The following CAMK1D variants were observed in gnomAD, a reference collection of about 807,000 sequenced individuals.
CAMK1D encodes calcium/calmodulin-dependent protein kinase type 1D.
In CAMK1D, 9 loss-of-function variants were observed where a neutral mutation model predicts 47.7. That is an observed-to-expected ratio of 0.19 (90% CI 0.11 to 0.33). The LOEUF (loss-of-function observed/expected upper bound fraction) is 0.33, where lower values mean the gene tolerates loss of function less well. Ranked by LOEUF, CAMK1D falls within the 10% of genes least tolerant of loss-of-function variation. The pLI, the probability that CAMK1D is intolerant of heterozygous loss-of-function variation, is 1.00. For synonymous variants in CAMK1D, 184 were observed against 184.9 expected (o/e 0.99, Z 0.04); for missense variants, 291 against 488.7 (o/e 0.60, Z 3.81).
intron 2 of CAMK1D, among the ~76,000 whole-genome samples, chr10:12,560,554 GGAAA>G (rs1290410558): frequency 4.5e-5 from 4 of 89,038 alleles, no homozygotes; most frequent in Non-Finnish European, 6.7e-5. Flanking sequence ...ACTCTATCTC[GGAAA>G]AAAAAAAAAA....
intron 2 of CAMK1D, among the ~76,000 whole-genome samples, chr10:12,611,680 C>A (rs185005933): frequency 1.4e-5 from 2 of 147,228 alleles, no homozygotes; most frequent in African/African-American, 4.9e-5. Context: ...CAACCTCCCC[C>A]TCCCGGGTTC....
At chr10:12,537,071 TTTC>T (rs779699910) in intron 1 of CAMK1D, among the ~76,000 whole-genome samples, 13 of 152,020 alleles carry the variant, frequency 8.6e-5, no homozygotes, top group Non-Finnish European at 1.0e-4. Context: ...GTTTTCACTT[TTTC>T]TTCTTCTTTT....
At chr10:12,628,663 T>C (rs900595757) in intron 2 of CAMK1D, among the ~76,000 whole-genome samples, 1 of 152,190 alleles carries the variant, frequency 6.6e-6, no homozygotes, top group African/African-American at 2.4e-5. Flanking sequence ...TACATTAGGG[T>C]CCACTCTTTA....
intron 1 of CAMK1D, among the ~76,000 whole-genome samples, chr10:12,441,630 C>T (rs1326243952): frequency 2.6e-5 from 4 of 151,714 alleles, no homozygotes; most frequent in Admixed American, 6.6e-5. Context: ...CTGGCCAACA[C>T]GGTGAAACCC....
At chr10:12,550,412 A>G (rs1836539658) in intron 1 of CAMK1D, among the ~76,000 whole-genome samples, 1 of 152,118 alleles carries the variant, frequency 6.6e-6, no homozygotes, top group African/African-American at 2.4e-5. Flanking sequence ...CTCCTCATTC[A>G]GGGTCTTGAC....
chr10:12,637,708 A>G (rs1839548557), intron 2 of CAMK1D, among the ~76,000 whole-genome samples: 1 of 152,140 alleles, frequency 6.6e-6, no homozygotes, highest in African/African-American at 2.4e-5. Flanking sequence ...CAGTCTGTTG[A>G]AGAACATGGT....
chr10:12,538,427 T>A (rs1836049082), intron 1 of CAMK1D, among the ~76,000 whole-genome samples: 1 of 152,188 alleles, frequency 6.6e-6, no homozygotes, highest in African/African-American at 2.4e-5. Flanking sequence ...GTGAGATGTA[T>A]CTGATTGAAC....
intron 2 of CAMK1D, among the ~76,000 whole-genome samples, chr10:12,620,163 G>T (rs1256149606): frequency 8.3e-6 from 1 of 120,796 alleles, no homozygotes; most frequent in African/African-American, 3.0e-5. Context: ...GTCCGGCCTG[G>T]GCGACAGAGC....
intron 1 of CAMK1D, among the ~76,000 whole-genome samples, chr10:12,482,030 G>T (rs992547421): frequency 1.3e-5 from 2 of 152,218 alleles, no homozygotes; most frequent in Admixed American, 6.5e-5. Flanking sequence ...TTTCTTGCAG[G>T]CTGGTGCAGT....
chr10:12,588,558 G>A (rs1837889004), intron 2 of CAMK1D, among the ~76,000 whole-genome samples: 1 of 151,784 alleles, frequency 6.6e-6, no homozygotes, highest in Non-Finnish European at 1.5e-5. Flanking sequence ...CTGGAGCCTT[G>A]GTCTCCAGGA....
chr10:12,612,893 T>C (rs1838673033), intron 2 of CAMK1D, among the ~76,000 whole-genome samples: 1 of 152,198 alleles, frequency 6.6e-6, no homozygotes, highest in African/African-American at 2.4e-5. Flanking sequence ...GCACGTGGTC[T>C]TGTAAAGCAA....
chr10:12,391,754 T>A (rs1283236351), intron 1 of CAMK1D, among the ~76,000 whole-genome samples: 2 of 152,086 alleles, frequency 1.3e-5, no homozygotes, highest in Non-Finnish European at 2.9e-5. Flanking sequence ...TGCACTGTAA[T>A]GGCAAGCATA....
intron 2 of CAMK1D, among the ~76,000 whole-genome samples, chr10:12,649,091 C>T (rs1376018004): frequency 1.3e-5 from 2 of 152,164 alleles, no homozygotes; most frequent in Non-Finnish European, 2.9e-5. Flanking sequence ...TGGTCTTGAC[C>T]TCCTGGCTTC....
intron 1 of CAMK1D, among the ~76,000 whole-genome samples, chr10:12,505,529 TG>T (rs2132151140): frequency 1.3e-5 from 2 of 152,296 alleles, no homozygotes; most frequent in South Asian, 4.1e-4. Context: ...GGTTCTTTCC[TG>T]GGCTGTTGGT....
chr10:12,735,081 T>C lies in CAMK1D; in HGVS notation c.300-25867T>C, dbSNP rs944441152. 3.2e-4 allele frequency among the ~76,000 whole-genome samples: 49 copies of C among 152,356 alleles called. No individual in the cohort carries two copies. The East Asian group carries it at 8.9e-3, about 28-fold the overall frequency. ...ATAATAATGGCTAGCCTTTGTCAAG[T>C]GCTTTCTCTGTGTCTGCTTTTCATA... On this transcript the variant is annotated intron_variant, in intron 3 of 10. Transcript: ENST00000619168.
intron 6 of CAMK1D, among the ~76,000 whole-genome samples, chr10:12,799,586 T>C (rs1423208705): frequency 1.3e-5 from 2 of 152,170 alleles, no homozygotes; most frequent in Non-Finnish European, 1.5e-5. Flanking sequence ...CCAGGTTGGG[T>C]GTCTGCACCC....
chr10:12,412,025 A>G (rs910261406), intron 1 of CAMK1D, among the ~76,000 whole-genome samples: 3 of 152,226 alleles, frequency 2.0e-5, no homozygotes, highest in African/African-American at 4.8e-5. Context: ...GTTTGAGTCT[A>G]TCAGCGTGGG....
intron 4 of CAMK1D, among the ~76,000 whole-genome samples, chr10:12,765,180 G>A (rs1836691502): frequency 6.6e-6 from 1 of 152,192 alleles, no homozygotes; most frequent in Admixed American, 6.5e-5. Context: ...TAATGTCACA[G>A]TGACTCTTAA....
chr10:12,398,601 G>A (rs957610419), intron 1 of CAMK1D, among the ~76,000 whole-genome samples: 2 of 152,166 alleles, frequency 1.3e-5, no homozygotes, highest in Non-Finnish European at 2.9e-5. Context: ...CGCCCGCCTC[G>A]GCCTCCCAAA....
Sources: gnomAD v4.1 joint callset for allele counts (sites outside exome capture counted in the v4.1 genomes callset) on GRCh38, gnomAD v4.1.1 for gene constraint, MANE v1.5 for transcripts, NCBI Gene and HGNC (gene_info 2026-07-23, HGNC 2026-07-21) for gene names.